The following RLN3 variants were observed in gnomAD, a reference collection of about 807,000 sequenced individuals.
RLN3 encodes the protein relaxin 3.
In RLN3, 13 loss-of-function variants were observed where a neutral mutation model predicts 10.2. The ratio of observed to expected loss-of-function variants is 1.28; its 90% CI spans 0.83 to 2.03. RLN3 has a LOEUF of 2.03. Among genes scored for constraint, RLN3 ranks in the 30% most tolerant of loss-of-function variants. The pLI is 0.00. For synonymous variants in RLN3, 56 were observed against 79.2 expected (o/e 0.71, Z 1.56); for missense variants, 191 against 187.2 (o/e 1.02, Z -0.12).
chr19:14,029,274 A>G (rs1246601125), intron 1 of RLN3, among the ~76,000 whole-genome samples: 2 of 152,096 alleles, frequency 1.3e-5, no homozygotes, highest in Non-Finnish European at 2.9e-5. Context: ...GAGGATAGGT[A>G]TGAGCGTGGA....
intron 1 of RLN3, among the ~76,000 whole-genome samples, chr19:14,029,229 G>C (rs1975761502): frequency 6.6e-6 from 1 of 152,042 alleles, no homozygotes; most frequent in Non-Finnish European, 1.5e-5. Context: ...TGAGGGGCAG[G>C]GACCTGGCAA....
intron 1 of RLN3, chr19:14,030,118 G>A (rs1030975316): frequency 2.9e-5 from 17 of 581,002 alleles, no homozygotes; most frequent in East Asian, 8.7e-5. Context: ...CACCGTGCCC[G>A]GACTCAATAG....
chr19:14,028,859 C>T (rs751947247), intron 1 of RLN3, among the ~76,000 whole-genome samples: 2 of 152,056 alleles, frequency 1.3e-5, no homozygotes, highest in Non-Finnish European at 2.9e-5. Flanking sequence ...ATTGCAGCCT[C>T]GACCTCCCAG....
chr19:14,028,948 AT>A (rs891367821), intron 1 of RLN3, among the ~76,000 whole-genome samples: 4 of 149,396 alleles, frequency 2.7e-5, no homozygotes, highest in South Asian at 2.1e-4. Context: ...CTAGTTTTAA[AT>A]TTTTTTTTTG....
intron 1 of RLN3, among the ~76,000 whole-genome samples, chr19:14,028,783 C>CT (rs1216284872): frequency 1.2e-4 from 19 of 152,040 alleles, no homozygotes; most frequent in East Asian, 1.2e-3. Context: ...CTCTGAGTGT[C>CT]TTTTTTTTGG....
At position 14,031,165 on chromosome 19, in the gene RLN3, C is replaced by T. The variant is rs1975801029; in HGVS notation, c.*217C>T. 5.5e-6 allele frequency: 3 copies of T among 543,428 alleles called. No individual in the cohort carries two copies. The highest frequency in any genetic ancestry group is 2.4e-5 in the South Asian group (1 of 42,538). The allele number at this position is 543,428 out of a possible 1,614,324, so 33.7% of individuals were successfully genotyped here. Reference sequence around the variant, plus strand: ...ATCATGACCCTGGCCCCTAAGGAAGCTGTGCCCCTGCCTGGTCAAGTGGGG... The same window carrying T: ...ATCATGACCCTGGCCCCTAAGGAAGTTGTGCCCCTGCCTGGTCAAGTGGGG... On this transcript the variant is annotated 3_prime_UTR_variant, in exon 2 of 2. Coordinates refer to ENST00000431365, the MANE Select transcript of RLN3 (RefSeq NM_080864.4).
intron 1 of RLN3, among the ~76,000 whole-genome samples, chr19:14,029,101 T>C (rs111514943): frequency 1.3e-3 from 192 of 152,168 alleles, no homozygotes; most frequent in African/African-American, 4.5e-3. Context: ...AGTTCCTGAA[T>C]CTTGCAGGAT....
In RLN3 at chr19:14,028,281, G is replaced by A. The variant is rs749718554; in HGVS notation, c.77G>A (p.Arg26Gln). The A allele has an allele frequency of 1.1e-5, 18 of 1,613,688 alleles. No homozygotes were observed. In the South Asian group the frequency reaches 1.2e-4, roughly 11 times the overall value. The change falls in exon 1 of 2, where the codon CGG (arginine) becomes CAG (glutamine). Residue 26 changes from arginine to glutamine, a missense_variant. Coordinates refer to ENST00000431365, the MANE Select transcript of RLN3 (RefSeq NM_080864.4). ...GAGCTGTGGCCGGGAGCTGAGGCCC[G>A]GGCAGCGCCTTACGGGGTCAGGCTT... is the stretch of plus-strand genomic sequence containing the variant. The part of the protein sequence containing the change: ...TGELWPGAEA[R>Q]AAPYGVRLCG...
chr19:14,029,345 A>G (rs1434669001), intron 1 of RLN3, among the ~76,000 whole-genome samples: 2 of 151,334 alleles, frequency 1.3e-5, no homozygotes, highest in East Asian at 1.9e-4. Flanking sequence ...TTGTGTGTTC[A>G]TGTGCTACTA....
chr19:14,031,525 T>C lies in RLN3; in HGVS notation c.*577T>C. 3.0e-6 allele frequency: 1 copy of C among 336,610 alleles called. No individual in the cohort carries two copies. Among genetic ancestry groups the C allele is most frequent in the Non-Finnish European group, 5.5e-6 (1 of 183,100 alleles). 20.9% of individuals were successfully genotyped at this position (336,610 alleles called of 1,614,324 possible). ...TGGGCACATTCGAATCTTCCCAAAC[T>C]CCAATAATAAAAATTCGAAGACTTT... On this transcript the variant is annotated 3_prime_UTR_variant, in exon 2 of 2. Transcript: ENST00000431365.
intron 1 of RLN3, among the ~76,000 whole-genome samples, chr19:14,028,610 A>G (rs1460925776): frequency 6.6e-6 from 1 of 152,032 alleles, no homozygotes; most frequent in Non-Finnish European, 1.5e-5. Flanking sequence ...TGGGGGCTGG[A>G]AGTCTGAGGA....
At chr19:14,029,894 C>G (rs1331379017) in intron 1 of RLN3, among the ~76,000 whole-genome samples, 1 of 151,174 alleles carries the variant, frequency 6.6e-6, no homozygotes, top group Non-Finnish European at 1.5e-5. Context: ...GTGGTGTGAT[C>G]ACAGCTCACT....
chr19:14,030,423 G>C, intron 1 of RLN3: 1 of 696,216 alleles, frequency 1.4e-6, no homozygotes. Flanking sequence ...ACTTTGGGTG[G>C]CTGAGGTGGG....
At position 14,031,020 on chromosome 19, in the gene RLN3, C is replaced by A; in HGVS notation, c.*72C>A. ...TGCCATCCACTCAACTAGTGTCTGG[C>A]TGGGCACCTGTCTTTCGAGCCTCAC... On this transcript the variant is annotated 3_prime_UTR_variant, in exon 2 of 2. Transcript: ENST00000431365. 1 of 1,056,492 alleles carries A rather than the reference C, an allele frequency of 9.5e-7. No individual in the cohort carries two copies. Among genetic ancestry groups the A allele is most frequent in the Non-Finnish European group, 1.4e-6 (1 of 716,100 alleles). 65.4% of individuals were successfully genotyped at this position (1,056,492 alleles called of 1,614,324 possible). A position where few individuals can be genotyped will look rare whatever the true frequency, so the allele number is the denominator to read the frequency against.
rs551653570 is a variant in RLN3, at chr19:14,028,313, C to T, written c.109C>T (p.Arg37Ter). 15 of 1,613,856 alleles carry T rather than the reference C, an allele frequency of 9.3e-6. No homozygotes were observed. The highest frequency in any genetic ancestry group is 2.2e-5 in the East Asian group (1 of 44,860). ...AAPYGVRLCG[R>*]EFIRAVIFTC... The stretch of plus-strand genomic sequence containing the variant: ...GCCTTACGGGGTCAGGCTTTGCGGC[C>T]GAGAATTCATCCGAGCAGTCATCTT... Residue 37 changes from arginine to a stop codon, truncating the protein, a stop_gained, in exon 1 of 2, where the codon CGA becomes TGA. Coordinates refer to ENST00000431365, the MANE Select transcript of RLN3 (RefSeq NM_080864.4). LOFTEE classifies it high-confidence loss of function.
rs201756385 is a variant in RLN3 at position 14,028,266 on chromosome 19, C to T, written c.62C>T (p.Pro21Leu). Residue 21 changes from proline to leucine, a missense_variant, in exon 1 of 2, where the codon CCG (proline) becomes CTG (leucine). Transcript: ENST00000431365. ...AVWVLTGELWPGAEARAAPYG... is the reference protein window; with the variant it reads ...AVWVLTGELWLGAEARAAPYG... ...TGGGTGCTGACCGGGGAGCTGTGGC[C>T]GGGAGCTGAGGCCCGGGCAGCGCCT... is the stretch of plus-strand genomic sequence containing the variant. 49 of 1,613,082 alleles carry T rather than the reference C, an allele frequency of 3.0e-5. No individual in the cohort carries two copies. In the Admixed American group the frequency reaches 6.0e-4, roughly 20 times the overall value.
chr19:14,030,292 G>C lies in RLN3; in HGVS notation c.191-418G>C, dbSNP rs755566810. ...AAGTAAATTTACTTGCTCACGATTA[G>C]AGAAGCTGGATTCATGCTCAGTCAG... On this transcript the variant is annotated intron_variant, in intron 1 of 1. Coordinates refer to ENST00000431365, the MANE Select transcript of RLN3 (RefSeq NM_080864.4). 1.8e-5 allele frequency: 13 copies of C among 702,774 alleles called. No homozygotes were observed. In the African/African-American group the frequency reaches 2.3e-4, roughly 12 times the overall value. The allele number at this position is 702,774 out of a possible 1,614,324, so 43.5% of individuals were successfully genotyped here.
At chr19:14,030,612 A>T in intron 1 of RLN3, 98 bp from the exon 2 acceptor site, 1 of 1,049,894 alleles carries the variant, frequency 9.5e-7, no homozygotes, top group African/African-American at 1.6e-5. Flanking sequence ...TATGTCTATG[A>T]CTGTTGTCAC....
intron 1 of RLN3, among the ~76,000 whole-genome samples, 170 bp downstream of exon 1, chr19:14,028,564 G>A (rs1293438972): frequency 6.6e-6 from 1 of 151,850 alleles, no homozygotes; most frequent in African/African-American, 2.4e-5. Flanking sequence ...AGTTAGCAGA[G>A]CTGCAGAGCT....
Sources: allele counts gnomAD v4.1 joint callset (sites outside exome capture counted in the v4.1 genomes callset), GRCh38; gene constraint gnomAD v4.1.1; transcripts MANE v1.5; gene names NCBI Gene and HGNC (gene_info 2026-07-23, HGNC 2026-07-21).